Variants in NFX1 observed in about 807,000 individuals in gnomAD.
The protein encoded by NFX1 is transcriptional repressor NF-X1.
A neutral mutation model predicts 137.2 loss-of-function variants in NFX1; 69 were observed. The observed-to-expected ratio is 0.50, with a 90% CI of 0.41 to 0.61. The LOEUF (loss-of-function observed/expected upper bound fraction) is 0.61, where lower values mean the gene tolerates loss of function less well. NFX1 is among the 20% of genes least tolerant of loss of function. The pLI, the probability that NFX1 is intolerant of heterozygous loss-of-function variation, is 0.00. For synonymous variants in NFX1, 495 were observed against 474.1 expected, an observed-to-expected ratio of 1.04 and a Z score of -0.57; for missense variants, 1,167 against 1,391.0, an observed-to-expected ratio of 0.84 and a Z score of 2.56.
At chr9:33,290,774 T>C (rs1056081862) in intron 1 of NFX1, among the ~76,000 whole-genome samples, 177 bp downstream of exon 1, 2 of 152,242 alleles carry the variant, frequency 1.3e-5, no homozygotes, top group African/African-American at 2.4e-5. Context: ...TGTGTCTTCT[T>C]GGACTAGATG....
chr9:33,330,440 G>A (rs1460398891), intron 10 of NFX1, among the ~76,000 whole-genome samples: 1 of 152,192 alleles, frequency 6.6e-6, no homozygotes, highest in African/African-American at 2.4e-5. Context: ...GTTTTTTCCT[G>A]AAAGAAATTA....
intron 23 of NFX1, among the ~76,000 whole-genome samples, chr9:33,367,969 C>G (rs551980970): frequency 1.3e-5 from 2 of 152,282 alleles, no homozygotes; most frequent in South Asian, 4.1e-4. Flanking sequence ...CGCGGTGGCT[C>G]ACGCCTGTAA....
At position 33,343,923 on chromosome 9, in the gene NFX1, TAAA is replaced by T. The variant is rs983867254; in HGVS notation, c.2225-143_2225-141del. The T allele has an allele frequency of 1.4e-5, 14 of 995,892 alleles. No homozygotes were observed. The African/African-American group carries it at 1.7e-4, about 12-fold the overall frequency. 61.7% of individuals were successfully genotyped at this position (995,892 alleles called of 1,614,324 possible). On this transcript the variant is annotated intron_variant, in intron 13 of 23. Transcript: ENST00000379540. ...TTAATAAAATAAAAGTTTAATAAAA[TAAA>T]AACCTCTTTTGAAAAAAGTAGCACC...
chr9:33,344,858 CTG>C (rs970269501), intron 14 of NFX1, among the ~76,000 whole-genome samples: 2 of 145,440 alleles, frequency 1.4e-5, no homozygotes, highest in Non-Finnish European at 3.0e-5. Flanking sequence ...GACCAAGACT[CTG>C]TCTCAAAAAA....
At chr9:33,313,558 G>C in intron 6 of NFX1, 96 bp from the exon 7 acceptor site, 1 of 1,179,726 alleles carries the variant, frequency 8.5e-7, no homozygotes, top group East Asian at 2.5e-5. Flanking sequence ...AAGGCTTAGT[G>C]GGTTTTGAGG....
chr9:33,319,317 A>G (rs1389212268), intron 9 of NFX1, among the ~76,000 whole-genome samples, 190 bp downstream of exon 9: 1 of 152,130 alleles, frequency 6.6e-6, no homozygotes, highest in East Asian at 1.9e-4. Flanking sequence ...CATTTGCCCA[A>G]ATGATCTCTC....
intron 9 of NFX1, among the ~76,000 whole-genome samples, chr9:33,328,244 C>T (rs985893663): frequency 2.0e-5 from 3 of 151,332 alleles, no homozygotes; most frequent in South Asian, 2.1e-4. Flanking sequence ...CAGGTGATCT[C>T]GAGCTCCTGG....
intron 2 of NFX1, among the ~76,000 whole-genome samples, chr9:33,299,196 C>G (rs1293712988): frequency 6.6e-6 from 1 of 152,150 alleles, no homozygotes; most frequent in African/African-American, 2.4e-5. Flanking sequence ...CTGGTATAAT[C>G]ATATTAACTA....
rs543098339 is a variant in NFX1, at chr9:33,308,415, C to T, written c.1376+1116C>T. On this transcript the variant is annotated intron_variant, in intron 5 of 23. Transcript: ENST00000379540. ...TGTGATTGCACTATTGCACTCCAGC[C>T]TGGGCAACAAAGCAAGACCATGTCT... is the stretch of plus-strand genomic sequence containing the variant. Among the ~76,000 whole-genome samples the T allele has an allele frequency of 1.4e-3, 206 of 152,214 alleles. 1 individual carries two copies. Among genetic ancestry groups the T allele is most frequent in the African/African-American group, 4.6e-3 (191 of 41,528 alleles).
At chr9:33,368,847 T>G (rs965875669) in intron 23 of NFX1, among the ~76,000 whole-genome samples, 14 of 152,128 alleles carry the variant, frequency 9.2e-5, no homozygotes, top group Admixed American at 7.9e-4. Context: ...CCCATTGAGC[T>G]CAGACTCAGC....
intron 11 of NFX1, among the ~76,000 whole-genome samples, chr9:33,333,790 G>C (rs1425654630): frequency 6.6e-6 from 1 of 152,118 alleles, no homozygotes; most frequent in Non-Finnish European, 1.5e-5. Flanking sequence ...CCTCAAAACC[G>C]TATTTAAACT....
rs977602549 is a variant in NFX1 at position 33,294,565 on chromosome 9, C to T, written c.171C>T (p.Ser57=). ...NYSSPPPCHL[S]RQVPYDEISA... Reference sequence around the variant, plus strand: ...GTTCACCACCTCCCTGTCACCTTTCCAGGCAGGTCCCTTATGATGAAATCT... The same window carrying T: ...GTTCACCACCTCCCTGTCACCTTTCTAGGCAGGTCCCTTATGATGAAATCT... Residue 57 remains serine, a synonymous_variant, in exon 2 of 24, where the codon TCC becomes TCT. Transcript: ENST00000379540. The T allele has an allele frequency of 6.2e-6, 10 of 1,614,044 alleles. No individual in the cohort carries two copies. The African/African-American group carries it at 1.3e-4, about 22-fold the overall frequency.
intron 12 of NFX1, among the ~76,000 whole-genome samples, chr9:33,340,632 C>T (rs189945512): frequency 1.3e-5 from 2 of 152,322 alleles, no homozygotes; most frequent in East Asian, 1.9e-4. Flanking sequence ...CTCACATTGT[C>T]AGGCTGCAAA....
chr9:33,297,218 A>G (rs1187102499), intron 2 of NFX1, among the ~76,000 whole-genome samples: 1 of 152,214 alleles, frequency 6.6e-6, no homozygotes, highest in Non-Finnish European at 1.5e-5. Context: ...TTATTCTGCT[A>G]GCTCTTCCTC....
At chr9:33,301,466 T>C in intron 3 of NFX1, 45 bp downstream of exon 3, 2 of 1,561,116 alleles carry the variant, frequency 1.3e-6, no homozygotes, top group South Asian at 2.4e-5. Flanking sequence ...CCCTATTTGA[T>C]ACGTTTAAGT....
At chr9:33,330,315 G>T (rs373882246) in intron 10 of NFX1, among the ~76,000 whole-genome samples, 1 of 152,084 alleles carries the variant, frequency 6.6e-6, no homozygotes, top group Non-Finnish European at 1.5e-5. Context: ...TCTGACTTGC[G>T]AATAATTCTG....
intron 12 of NFX1, among the ~76,000 whole-genome samples, chr9:33,340,205 C>T (rs1412547928): frequency 2.0e-5 from 3 of 152,272 alleles, no homozygotes; most frequent in African/African-American, 7.2e-5. Flanking sequence ...CCTGGACATC[C>T]AGGCATTTCC....
intron 9 of NFX1, among the ~76,000 whole-genome samples, chr9:33,322,845 C>T (rs914306626): frequency 6.6e-6 from 1 of 152,120 alleles, no homozygotes; most frequent in Non-Finnish European, 1.5e-5. Context: ...TGATAACATA[C>T]CTTAAAGAAC....
At position 33,318,738 on chromosome 9, in the gene NFX1, T is replaced by C; in HGVS notation, c.1596T>C (p.Tyr532=). Residue 532 remains tyrosine (Y), a synonymous_variant, in exon 8 of 24, where the codon TAT becomes TAC. Transcript: ENST00000379540. ...TGAAATTTTCTCTTCAAGTATGCTATTGCGGCAGCACCTCCCGAGATGTGT... is the reference window on the plus strand; with the variant it reads ...TGAAATTTTCTCTTCAAGTATGCTACTGCGGCAGCACCTCCCGAGATGTGT... ...PCQIILNQVC[Y]CGSTSRDVLC... is the part of the protein sequence containing the mutation. The C allele has an allele frequency of 2.5e-6, 4 of 1,614,172 alleles. No homozygotes were observed. In the South Asian group the frequency reaches 3.3e-5, roughly 13 times the overall value.
Sources: gnomAD v4.1 joint callset for allele counts (sites outside exome capture counted in the v4.1 genomes callset) on GRCh38, gnomAD v4.1.1 for gene constraint, MANE v1.5 for transcripts, NCBI Gene and HGNC (gene_info 2026-07-23, HGNC 2026-07-21) for gene names.